FBXL17: variants seen among roughly 807,000 people sequenced by gnomAD.
FBXL17 encodes F-box and leucine rich repeat protein 17.
A neutral mutation model predicts 66.2 loss-of-function variants in FBXL17; 22 were observed. The observed-to-expected ratio is 0.33, with a 90% confidence interval of 0.24 to 0.47. FBXL17 has a LOEUF of 0.47. FBXL17 is among the 20% of genes least tolerant of loss of function. FBXL17 has a pLI of 1.00. For synonymous variants in FBXL17, 474 were observed against 400.5 expected (o/e 1.18, Z -2.19); for missense variants, 878 against 948.2 (o/e 0.93, Z 0.97).
chr5:108,246,727 T>C (rs957062953), intron 4 of FBXL17, among the ~76,000 whole-genome samples: 1 of 152,226 alleles, frequency 6.6e-6, no homozygotes, highest in Non-Finnish European at 1.5e-5. Context: ...AGAATTCACA[T>C]AATATAAACT....
At position 108,310,907 on chromosome 5, in the gene FBXL17, T is replaced by C. The variant is rs376129689; in HGVS notation, c.1506+37492A>G. On this transcript the variant is annotated intron_variant, in intron 4 of 8. Transcript: ENST00000542267. ...GACAATTTTACTTCACTACCTGCTG[T>C]TGCCAGTTGAGATTTAATCTCCTCT... is the stretch of plus-strand genomic sequence containing the variant. 2.8e-4 allele frequency among the ~76,000 whole-genome samples: 43 copies of C among 152,322 alleles called. No homozygotes were observed. The South Asian group carries it at 7.3e-3, about 26-fold the overall frequency.
At chr5:108,270,766 G>A (rs1757235329) in intron 4 of FBXL17, among the ~76,000 whole-genome samples, 1 of 151,990 alleles carries the variant, frequency 6.6e-6, no homozygotes, top group Non-Finnish European at 1.5e-5. Context: ...TGAGAAGGGG[G>A]ACAGTTATGT....
chr5:108,047,161 A>G (rs974864690), intron 6 of FBXL17, among the ~76,000 whole-genome samples: 4 of 152,328 alleles, frequency 2.6e-5, no homozygotes, highest in African/African-American at 9.6e-5. Flanking sequence ...GGCGTGATCT[A>G]TGGAGGGGAA....
At chr5:108,337,823 T>G (rs373772563) in intron 4 of FBXL17, among the ~76,000 whole-genome samples, 1 of 152,210 alleles carries the variant, frequency 6.6e-6, no homozygotes, top group South Asian at 2.1e-4. Flanking sequence ...ACTCCTGGAC[T>G]GTAGATATGA....
chr5:108,235,685 C>T (rs1202053946), intron 4 of FBXL17, among the ~76,000 whole-genome samples: 2 of 152,136 alleles, frequency 1.3e-5, no homozygotes, highest in African/African-American at 4.8e-5. Flanking sequence ...ATGATCTGAT[C>T]CCATCTCATC....
intron 3 of FBXL17, among the ~76,000 whole-genome samples, chr5:108,360,824 T>C (rs995262439): frequency 4.6e-5 from 7 of 152,160 alleles, no homozygotes; most frequent in Non-Finnish European, 7.4e-5. Context: ...TCAATTGTCC[T>C]ATCTTCTTTC....
chr5:108,224,341 G>A (rs762753290), intron 4 of FBXL17, 113 bp from the exon 5 acceptor site: 76 of 489,714 alleles, frequency 1.6e-4, no homozygotes, highest in Admixed American at 6.9e-5. Context: ...TTCCTGCCCT[G>A]TTAGATCATT....
chr5:108,120,101 G>A (rs1299034581), intron 6 of FBXL17, among the ~76,000 whole-genome samples: 1 of 152,196 alleles, frequency 6.6e-6, no homozygotes, highest in East Asian at 1.9e-4. Flanking sequence ...ACTGGCTTGA[G>A]AACAGCATCT....
chr5:107,947,257 G>A (rs1031860986), intron 7 of FBXL17, among the ~76,000 whole-genome samples: 1 of 152,224 alleles, frequency 6.6e-6, no homozygotes, highest in African/African-American at 2.4e-5. Flanking sequence ...TAAGACTTTA[G>A]TTTTAGCTTC....
chr5:108,118,206 G>A (rs1015218451), intron 6 of FBXL17, among the ~76,000 whole-genome samples: 3 of 152,074 alleles, frequency 2.0e-5, no homozygotes, highest in African/African-American at 7.2e-5. Flanking sequence ...CTATATCCTG[G>A]ATGACTCCAA....
At chr5:108,305,652 T>C (rs1277554485) in intron 4 of FBXL17, among the ~76,000 whole-genome samples, 2 of 152,044 alleles carry the variant, frequency 1.3e-5, no homozygotes, top group African/African-American at 2.4e-5. Context: ...CAGAGGAGGA[T>C]AGCTAAGACT....
intron 4 of FBXL17, among the ~76,000 whole-genome samples, chr5:108,330,101 A>G (rs1374568766): frequency 6.6e-6 from 1 of 152,228 alleles, no homozygotes; most frequent in Non-Finnish European, 1.5e-5. Flanking sequence ...TATAGCTAAT[A>G]ACCATGAAGT....
chr5:108,254,622 A>G (rs1756497027), intron 4 of FBXL17, among the ~76,000 whole-genome samples: 1 of 152,216 alleles, frequency 6.6e-6, no homozygotes, highest in Admixed American at 6.5e-5. Context: ...GTAATATTAA[A>G]GAGTAATAGA....
chr5:107,962,863 A>C (rs1221550668), intron 7 of FBXL17, among the ~76,000 whole-genome samples: 1 of 152,052 alleles, frequency 6.6e-6, no homozygotes, highest in Non-Finnish European at 1.5e-5. Flanking sequence ...GATGTGCCCA[A>C]ATTTGGCAAA....
chr5:107,930,468 C>A (rs1443199703), intron 7 of FBXL17, among the ~76,000 whole-genome samples: 1 of 152,220 alleles, frequency 6.6e-6, no homozygotes, highest in African/African-American at 2.4e-5. Context: ...CTGTTCTTTT[C>A]TGTCACAAAG....
At chr5:108,020,298 AAAGG>A (rs1475740352) in intron 7 of FBXL17, among the ~76,000 whole-genome samples, 1 of 152,016 alleles carries the variant, frequency 6.6e-6, no homozygotes, top group African/African-American at 2.4e-5. Context: ...ATTAAACAAA[AAAGG>A]AAGGGCTAGG....
rs1749876841 is a variant in FBXL17 at position 108,381,163 on chromosome 5, G to A, written c.529C>T (p.Gln177Ter). The change falls in exon 1 of 9, where the codon CAG becomes TAG. Residue 177 changes from glutamine (Q) to a stop codon, truncating the protein, a stop_gained. Coordinates refer to ENST00000542267, the MANE Select transcript of FBXL17 (RefSeq NM_001163315.3). LOFTEE classifies it high-confidence loss of function. ...GACGGTGTCGGCCCCCGGAAGAGCT[G>A]CACGGCGGCGGGCGGCCCCAGGAAG... is the stretch of plus-strand genomic sequence containing the variant. ...VRFLGPPAAV[Q>*]LFRGPTPSPA... 2 of 1,425,470 alleles carry A rather than the reference G, an allele frequency of 1.4e-6. No individual in the cohort carries two copies. The highest frequency in any genetic ancestry group is 1.4e-5 in the South Asian group (1 of 70,428). The allele number at this position is 1,425,470 out of a possible 1,614,324, so 88.3% of individuals were successfully genotyped here.
intron 6 of FBXL17, among the ~76,000 whole-genome samples, chr5:108,109,348 AG>A (rs146139654): frequency 0.022 from 3,331 of 152,234 alleles, 125 homozygotes; most frequent in African/African-American, 0.076. Flanking sequence ...TATATCCACA[AG>A]AAAGGAACAT....
chr5:108,221,658 T>C (rs1754870688), intron 5 of FBXL17, among the ~76,000 whole-genome samples: 1 of 152,178 alleles, frequency 6.6e-6, no homozygotes, highest in Non-Finnish European at 1.5e-5. Flanking sequence ...ATTTATTATG[T>C]ACTATGATGA....
Sources: allele counts gnomAD v4.1 joint callset (sites outside exome capture counted in the v4.1 genomes callset), GRCh38; gene constraint gnomAD v4.1.1; transcripts MANE v1.5; gene names NCBI Gene and HGNC (gene_info 2026-07-23, HGNC 2026-07-21).